Variants in ADGRA3 observed in about 807,000 individuals in gnomAD.
ADGRA3 encodes the protein G-protein coupled receptor 125.
ADGRA3 carries 56 observed loss-of-function variants against 119.8 expected under a neutral mutation model. The ratio of observed to expected loss-of-function variants is 0.47; its 90% confidence interval spans 0.38 to 0.58. The LOEUF is 0.58. Among genes scored for constraint, ADGRA3 ranks in the 20% least tolerant of loss-of-function variants. The probability of loss-of-function intolerance (pLI) is 0.00; values close to 1 mark genes in which losing one functional copy is unlikely to be tolerated. For synonymous variants in ADGRA3, 607 were observed against 623.8 expected (o/e 0.97, Z 0.40); for missense variants, 1,516 against 1,649.0 (o/e 0.92, Z 1.40).
chr4:22,500,404 T>C (rs1258755452), intron 1 of ADGRA3, among the ~76,000 whole-genome samples: 1 of 152,178 alleles, frequency 6.6e-6, no homozygotes, highest in Non-Finnish European at 1.5e-5. Context: ...AGGTGAGAGG[T>C]TATGCGGGGA....
intron 1 of ADGRA3, among the ~76,000 whole-genome samples, chr4:22,511,599 A>G (rs988606814): frequency 9.9e-5 from 15 of 152,118 alleles, no homozygotes; most frequent in African/African-American, 3.6e-4. Flanking sequence ...CCCATCAGTT[A>G]ATTTTCCTCT....
intron 14 of ADGRA3, among the ~76,000 whole-genome samples, chr4:22,408,065 C>T (rs565946140): frequency 3.9e-4 from 59 of 152,180 alleles, no homozygotes; most frequent in Admixed American, 1.1e-3. Context: ...CTATGACTTA[C>T]TTCTATGTTG....
chr4:22,388,737 CAA>C lies in ADGRA3; in HGVS notation c.2932_2933del (p.Leu978ValfsTer11). On this transcript the variant is annotated frameshift_variant, in exon 19 of 19. Transcript: ENST00000334304. LOFTEE classifies it high-confidence loss of function. ...GEINHQDSMS[L>X]SLISTSALEN... ...CCAAGGCTGATGTAGAAATCAGAGA[CAA>C]AGACATTGAATCCTGATGATTTATT... The C allele has an allele frequency of 6.2e-7, 1 of 1,614,070 alleles. No homozygotes were observed. The highest frequency in any genetic ancestry group is 8.5e-7 in the Non-Finnish European group (1 of 1,179,978).
intron 1 of ADGRA3, among the ~76,000 whole-genome samples, chr4:22,474,534 T>C (rs1560335457): frequency 6.6e-6 from 1 of 152,228 alleles, no homozygotes; most frequent in Non-Finnish European, 1.5e-5. Flanking sequence ...GCACTCTTTC[T>C]AGGCTTTGTA....
chr4:22,395,533 AG>A (rs1279582228), intron 16 of ADGRA3, among the ~76,000 whole-genome samples: 1 of 152,212 alleles, frequency 6.6e-6, no homozygotes. Context: ...ACTAAGACTG[AG>A]AGAAGTCACC....
At chr4:22,425,028 TC>T (rs1437529852) in intron 10 of ADGRA3, among the ~76,000 whole-genome samples, 1 of 150,126 alleles carries the variant, frequency 6.7e-6, no homozygotes, top group Non-Finnish European at 1.5e-5. Context: ...TGAGCCGAGA[TC>T]GTGCCACTGC....
intron 1 of ADGRA3, among the ~76,000 whole-genome samples, chr4:22,498,373 C>T (rs61793407): frequency 0.039 from 5,975 of 152,238 alleles, 160 homozygotes; most frequent in African/African-American, 0.068. Context: ...AATCCCAGCA[C>T]TTTGGGAGGC....
chr4:22,481,871 C>G lies in ADGRA3; in HGVS notation c.258-8028G>C, dbSNP rs569666667. Reference sequence around the variant, plus strand: ...TGTTTTCAGATAAATGCAAATCAAACGCCATTTTCTAAAATAATTCTTCCT... The same window carrying G: ...TGTTTTCAGATAAATGCAAATCAAAGGCCATTTTCTAAAATAATTCTTCCT... On this transcript the variant is annotated intron_variant, in intron 1 of 18. Coordinates refer to ENST00000334304, the MANE Select transcript of ADGRA3 (RefSeq NM_145290.4). 1.8e-3 allele frequency among the ~76,000 whole-genome samples: 267 copies of G among 152,254 alleles called. 9 individuals carry two copies. The South Asian group carries it at 0.054, about 31-fold the overall frequency.
At chr4:22,426,706 C>T (rs10805234) in intron 10 of ADGRA3, among the ~76,000 whole-genome samples, 97,234 of 152,094 alleles carry the variant, frequency 0.64, 33,181 homozygotes, top group Non-Finnish European at 0.77. Flanking sequence ...TCCAAACACC[C>T]TATTTTAATG....
chr4:22,413,393 G>A lies in ADGRA3; in HGVS notation c.2024-3C>T. On this transcript the variant is annotated splice_region_variant and splice_polypyrimidine_tract_variant and intron_variant, in intron 13 of 18. Transcript: ENST00000334304. ...GTGGGTATCTACATTCACACCATCT[G>A]GAGAAAATGGGAAATAAAAATATTT... is the stretch of plus-strand genomic sequence containing the variant. 1 of 1,608,638 alleles carries A rather than the reference G, an allele frequency of 6.2e-7. No homozygotes were observed. The highest frequency in any genetic ancestry group is 8.5e-7 in the Non-Finnish European group (1 of 1,175,146).
intron 17 of ADGRA3, among the ~76,000 whole-genome samples, chr4:22,391,847 G>A (rs1306094098): frequency 3.9e-5 from 6 of 152,078 alleles, no homozygotes; most frequent in South Asian, 2.1e-4. Context: ...TAAAGTTCAC[G>A]CCAGTGGTCC....
intron 4 of ADGRA3, among the ~76,000 whole-genome samples, chr4:22,450,244 A>G (rs1200361097): frequency 2.0e-5 from 3 of 150,800 alleles, no homozygotes; most frequent in Non-Finnish European, 4.4e-5. Flanking sequence ...TAAGTTACCC[A>G]CCCACCCCCA....
At chr4:22,393,439 G>T (rs1375148708) in intron 16 of ADGRA3, 2 of 152,192 alleles carry the variant, frequency 1.3e-5, no homozygotes, top group Non-Finnish European at 2.9e-5. Flanking sequence ...AGAGACCTGA[G>T]ATATGATTCA....
chr4:22,444,556 G>T (rs942683555), intron 6 of ADGRA3, among the ~76,000 whole-genome samples: 1 of 152,070 alleles, frequency 6.6e-6, no homozygotes, highest in African/African-American at 2.4e-5. Context: ...GAGCCACCGC[G>T]CCCTGCCTGT....
At chr4:22,404,845 G>A (rs1398590808) in intron 14 of ADGRA3, among the ~76,000 whole-genome samples, 1 of 152,202 alleles carries the variant, frequency 6.6e-6, no homozygotes, top group Non-Finnish European at 1.5e-5. Context: ...AAACCAGTTA[G>A]ATGCTAGTGA....
chr4:22,430,382 A>T (rs529943208), intron 10 of ADGRA3, among the ~76,000 whole-genome samples: 2 of 152,164 alleles, frequency 1.3e-5, no homozygotes, highest in Non-Finnish European at 2.9e-5. Flanking sequence ...TTGTAGGTCC[A>T]GGCTGAGGTG....
intron 1 of ADGRA3, among the ~76,000 whole-genome samples, chr4:22,511,235 CATT>C (rs1321328868): frequency 2.0e-5 from 3 of 152,158 alleles, no homozygotes; most frequent in African/African-American, 7.2e-5. Context: ...TCAAAACTTA[CATT>C]ATTGAGCAAG....
At chr4:22,461,208 TTTTAGTAGCA>T (rs893317739) in intron 3 of ADGRA3, among the ~76,000 whole-genome samples, 14 of 152,252 alleles carry the variant, frequency 9.2e-5, no homozygotes, top group Non-Finnish European at 1.8e-4. Context: ...ATGGTAATGA[TTTTAGTAGCA>T]TAAGAGTAAC....
chr4:22,432,248 A>G (rs76887824), intron 10 of ADGRA3, among the ~76,000 whole-genome samples: 1 of 152,264 alleles, frequency 6.6e-6, no homozygotes, highest in East Asian at 1.9e-4. Flanking sequence ...AGAAATTCAA[A>G]TTCTCTGAAC....
Sources: allele counts gnomAD v4.1 joint callset (sites outside exome capture counted in the v4.1 genomes callset), GRCh38; gene constraint gnomAD v4.1.1; transcripts MANE v1.5; gene names NCBI Gene and HGNC (gene_info 2026-07-23, HGNC 2026-07-21).